The following RCAN1 variants were observed in gnomAD, a reference collection of about 807,000 sequenced individuals.
RCAN1 encodes the protein calcipressin-1.
In RCAN1, 11 loss-of-function variants were observed where a neutral mutation model predicts 22.9. The observed-to-expected ratio is 0.48, with a 90% CI of 0.30 to 0.79. RCAN1 has a LOEUF of 0.79. Ranked by LOEUF, RCAN1 falls within the 30% of genes least tolerant of loss-of-function variation. The pLI, the probability that RCAN1 is intolerant of heterozygous loss-of-function variation, is 0.06. For synonymous variants in RCAN1, 136 were observed against 142.3 expected, an observed-to-expected ratio of 0.96 and a Z score of 0.32; for missense variants, 291 against 337.8, an observed-to-expected ratio of 0.86 and a Z score of 1.09.
Position 34,516,669 on chromosome 21 carries a change from T to G in RCAN1, c.*1415A>C, listed in dbSNP as rs1276744838. The G allele has an allele frequency of 6.6e-6, 1 of 152,238 alleles. No individual in the cohort carries two copies. Among genetic ancestry groups the G allele is most frequent in the African/African-American group, 2.4e-5 (1 of 41,460 alleles). The allele number at this position is 152,238 out of a possible 1,614,324, so 9.4% of individuals were successfully genotyped here. A position where few individuals can be genotyped will look rare whatever the true frequency, so the allele number is the denominator to read the frequency against. On this transcript the variant is annotated 3_prime_UTR_variant, in exon 4 of 4. Transcript: ENST00000313806. The stretch of plus-strand genomic sequence containing the variant: ...CAGGGTTTGAGAACGTTCAATCAAT[T>G]TCTTGATATGAACAATCAAAGCATT...
intron 1 of RCAN1, among the ~76,000 whole-genome samples, chr21:34,580,083 G>A (rs1987551132): frequency 6.6e-6 from 1 of 152,106 alleles, no homozygotes; most frequent in Admixed American, 6.5e-5. Context: ...CACCGTGTCT[G>A]CACAAATATT....
intron 1 of RCAN1, among the ~76,000 whole-genome samples, chr21:34,534,146 C>A (rs1300736287): frequency 1.3e-5 from 2 of 152,108 alleles, no homozygotes; most frequent in African/African-American, 2.4e-5. Flanking sequence ...AGCGAAGGGG[C>A]GAGGGGGAAG....
intron 1 of RCAN1, among the ~76,000 whole-genome samples, chr21:34,572,267 A>T (rs1987260870): frequency 6.6e-6 from 1 of 152,222 alleles, no homozygotes; most frequent in Non-Finnish European, 1.5e-5. Context: ...GGACTCATCC[A>T]CATGCCTTTT....
At chr21:34,588,486 A>G (rs1220602919) in intron 1 of RCAN1, among the ~76,000 whole-genome samples, 1 of 152,240 alleles carries the variant, frequency 6.6e-6, no homozygotes, top group Non-Finnish European at 1.5e-5. Flanking sequence ...TTTATTGATT[A>G]TACCTCATAG....
chr21:34,546,701 C>T (rs774983392), intron 1 of RCAN1, among the ~76,000 whole-genome samples: 4 of 152,152 alleles, frequency 2.6e-5, no homozygotes, highest in Admixed American at 6.5e-5. Context: ...CAACATCCAC[C>T]GTACCAGGAA....
chr21:34,536,491 C>T (rs1053460569), intron 1 of RCAN1, among the ~76,000 whole-genome samples: 11 of 152,324 alleles, frequency 7.2e-5, no homozygotes, highest in Non-Finnish European at 1.5e-4. Context: ...TTTCACAACC[C>T]CACGGCTGGT....
chr21:34,541,850 T>C (rs12627410), intron 1 of RCAN1, among the ~76,000 whole-genome samples: 36,317 of 151,930 alleles, frequency 0.24, 5,041 homozygotes, highest in African/African-American at 0.38. Context: ...AGGAGAATGG[T>C]GTGAACCCAG....
chr21:34,549,544 A>G (rs1986281934), intron 1 of RCAN1, among the ~76,000 whole-genome samples: 1 of 152,154 alleles, frequency 6.6e-6, no homozygotes, highest in Non-Finnish European at 1.5e-5. Flanking sequence ...ACTCTCTCAC[A>G]GCCAGAGTGG....
At chr21:34,531,411 T>C (rs549582802) in intron 1 of RCAN1, among the ~76,000 whole-genome samples, 4 of 152,314 alleles carry the variant, frequency 2.6e-5, no homozygotes, top group Admixed American at 1.3e-4. Flanking sequence ...TGTCCTCCTA[T>C]GTGCCCTGCA....
chr21:34,581,607 A>C (rs1202230456), intron 1 of RCAN1, among the ~76,000 whole-genome samples: 1 of 152,238 alleles, frequency 6.6e-6, no homozygotes, highest in Non-Finnish European at 1.5e-5. Flanking sequence ...AAAGAAAAAC[A>C]GCCATCATTC....
chr21:34,594,130 CTG>C (rs920721864), intron 1 of RCAN1, among the ~76,000 whole-genome samples: 4 of 152,118 alleles, frequency 2.6e-5, no homozygotes, highest in Non-Finnish European at 5.9e-5. Context: ...AATAAACAAT[CTG>C]AGAGCTGAAT....
intron 1 of RCAN1, among the ~76,000 whole-genome samples, chr21:34,607,270 G>C (rs1249214400): frequency 3.3e-5 from 5 of 152,146 alleles, no homozygotes; most frequent in Middle Eastern, 3.2e-3. Context: ...TTAAACTATA[G>C]TGGCTAAAAC....
chr21:34,565,746 A>G (rs1182406178), intron 1 of RCAN1, among the ~76,000 whole-genome samples: 1 of 152,224 alleles, frequency 6.6e-6, no homozygotes, highest in African/African-American at 2.4e-5. Flanking sequence ...GGTGAATTCA[A>G]TGAGCCTCCT....
Position 34,614,870 on chromosome 21 carries a change from C to A in RCAN1, c.142G>T (p.Asp48Tyr). ...GAAEADEGGGDWSFIDCEMEE... is the reference protein window; with the variant it reads ...GAAEADEGGGYWSFIDCEMEE... ...ATCTCGCAGTCAATGAAGCTCCAGT[C>A]GCCGCCGCCCTCGTCCGCCTCGGCC... The change falls in exon 1 of 4, where the codon GAC (aspartate) becomes TAC (tyrosine). Residue 48 changes from aspartate (D) to tyrosine (Y), a missense_variant. Asp to Tyr is a radical substitution (Grantham distance 160). Transcript: ENST00000313806. The surrounding 1 kb of genome is among the most constrained non-coding windows in gnomAD (Gnocchi z 6.0). 6.8e-7 allele frequency: 1 copy of A among 1,461,234 alleles called. No individual in the cohort carries two copies. The highest frequency in any genetic ancestry group is 9.1e-7 in the Non-Finnish European group (1 of 1,102,932). 90.5% of individuals were successfully genotyped at this position (1,461,234 alleles called of 1,614,324 possible). A position where few individuals can be genotyped will look rare whatever the true frequency, so the allele number is the denominator to read the frequency against.
chr21:34,528,199 A>G (rs537549339), intron 1 of RCAN1, among the ~76,000 whole-genome samples: 9 of 152,372 alleles, frequency 5.9e-5, no homozygotes, highest in Admixed American at 2.0e-4. Context: ...AATTAACTTC[A>G]AAGAATCATT....
intron 1 of RCAN1, among the ~76,000 whole-genome samples, chr21:34,533,967 A>G (rs1261833465): frequency 6.6e-6 from 1 of 152,166 alleles, no homozygotes; most frequent in African/African-American, 2.4e-5. Context: ...AGGGTCATGG[A>G]GAAAGTGGTT....
chr21:34,523,470 A>G, intron 2 of RCAN1, 67 bp downstream of exon 2: 1 of 1,531,062 alleles, frequency 6.5e-7, no homozygotes, highest in Non-Finnish European at 8.9e-7. Flanking sequence ...TAAGCAACGT[A>G]TAAGCTGCTT....
At chr21:34,605,621 C>T (rs1490688236) in intron 1 of RCAN1, among the ~76,000 whole-genome samples, 1 of 152,046 alleles carries the variant, frequency 6.6e-6, no homozygotes, top group Non-Finnish European at 1.5e-5. Context: ...TAATGCCATG[C>T]TTTAAGATGA....
At chr21:34,561,356 T>C (rs1009229858) in intron 1 of RCAN1, among the ~76,000 whole-genome samples, 1 of 152,156 alleles carries the variant, frequency 6.6e-6, no homozygotes, top group Non-Finnish European at 1.5e-5. Context: ...AGAAACTTTT[T>C]TTTGGGCAAG....
Sources: gnomAD v4.1 joint callset for allele counts (sites outside exome capture counted in the v4.1 genomes callset) on GRCh38, gnomAD v4.1.1 for gene constraint, Gnocchi (gnomAD v3.1) non-coding constraint, MANE v1.5 for transcripts, NCBI Gene and HGNC (gene_info 2026-07-23, HGNC 2026-07-21) for gene names.